The following DGLUCY variants were observed in gnomAD, a reference collection of about 807,000 sequenced individuals.
DGLUCY encodes D-glutamate cyclase, mitochondrial.
Under a neutral mutation model 58.5 loss-of-function variants are expected in DGLUCY, and 58 were observed. That is an observed-to-expected ratio of 0.99 (90% CI 0.80 to 1.23). DGLUCY has a LOEUF of 1.23. Ranked by LOEUF, DGLUCY falls within the 50% of genes most tolerant of loss-of-function variation. DGLUCY has a pLI of 0.00. For synonymous variants in DGLUCY, 325 were observed against 314.1 expected (o/e 1.03, Z -0.37); for missense variants, 779 against 784.7 (o/e 0.99, Z 0.09).
intron 13 of DGLUCY, chr14:91,215,783 T>A: frequency 1.5e-6 from 2 of 1,378,552 alleles, no homozygotes; most frequent in Non-Finnish European, 1.9e-6. Context: ...TTCCTTCTAG[T>A]TTGACTTTGG....
intron 2 of DGLUCY, among the ~76,000 whole-genome samples, chr14:91,159,317 C>T (rs1311056524): frequency 6.6e-6 from 1 of 152,054 alleles, no homozygotes; most frequent in Non-Finnish European, 1.5e-5. Context: ...TGTCGTGGCA[C>T]ATACCTGTAA....
intron 1 of DGLUCY, among the ~76,000 whole-genome samples, chr14:91,096,645 G>A (rs990008322): frequency 6.6e-5 from 10 of 152,182 alleles, no homozygotes; most frequent in Non-Finnish European, 1.2e-4. Context: ...GTCCACTCTC[G>A]CACTTAGGCC....
chr14:91,178,891 C>T (rs774227414), intron 7 of DGLUCY, among the ~76,000 whole-genome samples: 1 of 151,910 alleles, frequency 6.6e-6, no homozygotes. Flanking sequence ...ATTAGCCAGG[C>T]GTGATGGCAC....
intron 1 of DGLUCY, among the ~76,000 whole-genome samples, chr14:91,127,334 G>A (rs1412119305): frequency 2.0e-5 from 3 of 152,178 alleles, no homozygotes; most frequent in East Asian, 1.9e-4. Context: ...GATTACAGGC[G>A]TAAGCCACCA....
At chr14:91,136,337 AG>A (rs2046335697) in intron 1 of DGLUCY, among the ~76,000 whole-genome samples, 1 of 152,166 alleles carries the variant, frequency 6.6e-6, no homozygotes, top group African/African-American at 2.4e-5. Context: ...ACAAGAGAAA[AG>A]CATAACAGAT....
rs140356090 is a variant in DGLUCY at position 91,160,293 on chromosome 14, C to T, written c.-2C>T. The T allele has an allele frequency of 4.5e-5, 72 of 1,609,426 alleles. No homozygotes were observed. In the African/African-American group the frequency reaches 4.5e-4, roughly 10 times the overall value. ...TCTCTGCTACTTATTCAAGTTGACA[C>T]GATGCCCTTCACACTCCACCTGAGG... On this transcript the variant is annotated 5_prime_UTR_variant, in exon 3 of 14. It adds an upstream start codon to the 5' untranslated region. Transcript: ENST00000256324.
At chr14:91,142,291 A>G (rs35986119) in intron 1 of DGLUCY, among the ~76,000 whole-genome samples, 2,558 of 152,290 alleles carry the variant, frequency 0.017, 45 homozygotes, top group Non-Finnish European at 0.026. Flanking sequence ...TTCAGTAGGA[A>G]TAGTGTGGTG....
intron 12 of DGLUCY, among the ~76,000 whole-genome samples, 153 bp from the exon 13 acceptor site, chr14:91,215,252 G>A (rs1374246129): frequency 6.6e-6 from 1 of 152,158 alleles, no homozygotes; most frequent in Admixed American, 6.5e-5. Context: ...TCTTGGCTGG[G>A]GCCAAAGAAT....
At chr14:91,093,188 AATG>A (rs1395202889) in intron 1 of DGLUCY, among the ~76,000 whole-genome samples, 1 of 152,178 alleles carries the variant, frequency 6.6e-6, no homozygotes, top group Non-Finnish European at 1.5e-5. Flanking sequence ...TAATGACTAT[AATG>A]ATGATATAAT....
intron 1 of DGLUCY, among the ~76,000 whole-genome samples, chr14:91,092,977 G>A (rs1595632553): frequency 6.6e-6 from 1 of 151,838 alleles, no homozygotes; most frequent in South Asian, 2.1e-4. Flanking sequence ...CCAGCTACTC[G>A]GGAGGCTGAG....
chr14:91,106,172 G>A (rs1264190643), upstream of DGLUCY, among the ~76,000 whole-genome samples: 1 of 151,864 alleles, frequency 6.6e-6, no homozygotes, highest in Non-Finnish European at 1.5e-5. Flanking sequence ...GCCCGGCATG[G>A]TGACGTGCGC....
chr14:91,110,409 T>C (rs1207743600), upstream of DGLUCY, among the ~76,000 whole-genome samples: 1 of 138,076 alleles, frequency 7.2e-6, no homozygotes, highest in Non-Finnish European at 1.5e-5. Flanking sequence ...GGTTTGTTTT[T>C]CTTTCTTTCT....
At chr14:91,134,511 C>T (rs2046214115) in intron 1 of DGLUCY, among the ~76,000 whole-genome samples, 1 of 151,850 alleles carries the variant, frequency 6.6e-6, no homozygotes, top group Non-Finnish European at 1.5e-5. Context: ...CCTCTCAGCT[C>T]ACTGCAACCT....
At chr14:91,067,457 C>T (rs756287668) in intron 1 of DGLUCY, among the ~76,000 whole-genome samples, 10 of 152,226 alleles carry the variant, frequency 6.6e-5, no homozygotes, top group Non-Finnish European at 1.5e-4. Context: ...ATCATACTTT[C>T]CTTTAACTGG....
At chr14:91,208,372 AAC>A (rs1360311722) in intron 12 of DGLUCY, among the ~76,000 whole-genome samples, 11 of 152,214 alleles carry the variant, frequency 7.2e-5, no homozygotes, top group African/African-American at 2.7e-4. Context: ...AAATAATAAT[AAC>A]AGCACAAAAT....
chr14:91,130,055 T>C (rs2045944438), intron 1 of DGLUCY, among the ~76,000 whole-genome samples: 1 of 152,198 alleles, frequency 6.6e-6, no homozygotes, highest in South Asian at 2.1e-4. Context: ...GCATGTACTG[T>C]TTAGAGTGTA....
At chr14:91,152,763 G>A (rs972743613) in intron 1 of DGLUCY, among the ~76,000 whole-genome samples, 2 of 152,128 alleles carry the variant, frequency 1.3e-5, no homozygotes, top group African/African-American at 4.8e-5. Context: ...GTGATCCAGG[G>A]GACATCTACA....
intron 11 of DGLUCY, among the ~76,000 whole-genome samples, chr14:91,204,405 C>T (rs1168342178): frequency 9.2e-5 from 14 of 152,188 alleles, no homozygotes. Context: ...GTCACCATAC[C>T]CACATCTCCC....
At position 91,141,159 on chromosome 14, in the gene DGLUCY, G is replaced by A. The variant is rs149862311; in HGVS notation, c.-81-16480G>A. Among the ~76,000 whole-genome samples, 228 of 152,258 alleles carry A rather than the reference G, an allele frequency of 1.5e-3. 2 individuals carry two copies. Among genetic ancestry groups the A allele is most frequent in the Admixed American group, 4.2e-3 (64 of 15,278 alleles). On this transcript the variant is annotated intron_variant, in intron 1 of 13. Coordinates refer to ENST00000256324, the MANE Select transcript of DGLUCY (RefSeq NM_001102368.3). ...CCAGCACTTTGGGAGGCTGAGGCACGTGGATCACTTGAGGCCAGGAGTTCA... is the reference window on the plus strand; with the variant it reads ...CCAGCACTTTGGGAGGCTGAGGCACATGGATCACTTGAGGCCAGGAGTTCA...
Sources: allele counts gnomAD v4.1 joint callset (sites outside exome capture counted in the v4.1 genomes callset), GRCh38; gene constraint gnomAD v4.1.1; transcripts MANE v1.5; gene names NCBI Gene and HGNC (gene_info 2026-07-23, HGNC 2026-07-21).